The following ASTN1 variants were observed in gnomAD, a reference collection of about 807,000 sequenced individuals.
ASTN1 encodes the protein astrotactin 1, also known as astrotactin-1.
A neutral mutation model predicts 140.7 loss-of-function variants in ASTN1; 41 were observed. That is an observed-to-expected ratio of 0.29 (90% CI 0.23 to 0.38). ASTN1 has a LOEUF of 0.38. Ranked by LOEUF, ASTN1 falls within the 10% of genes least tolerant of loss-of-function variation. The probability of loss-of-function intolerance (pLI) is 1.00; values close to 1 mark genes in which losing one functional copy is unlikely to be tolerated. For synonymous variants in ASTN1, 640 were observed against 652.2 expected (o/e 0.98, Z 0.29); for missense variants, 1,479 against 1,678.8 (o/e 0.88, Z 2.08).
intron 8 of ASTN1, among the ~76,000 whole-genome samples, chr1:177,005,741 C>T (rs989282042): frequency 9.9e-5 from 15 of 151,928 alleles, no homozygotes; most frequent in African/African-American, 3.1e-4. Context: ...TACAGGCGCC[C>T]GCCACCATGG....
rs139750064 is a variant in ASTN1 at position 177,024,659 on chromosome 1, G to A, written c.1194C>T (p.Leu398=). ...GGCAGTTGACGTGAGAGGAGCACAC[G>A]AGGCCAATCACACAGCTGGTGATGC... is the stretch of plus-strand genomic sequence containing the variant. ...LISITSCVIG[L]VCSSHVNCPL... Residue 398 remains leucine (L), a synonymous_variant, in exon 6 of 23, where the codon CTC becomes CTT. Coordinates refer to ENST00000361833, the MANE Select transcript of ASTN1 (RefSeq NM_004319.3). 184 of 1,614,078 alleles carry A rather than the reference G, an allele frequency of 1.1e-4. 1 individual carries two copies. Among genetic ancestry groups the A allele is most frequent in the Non-Finnish European group, 1.5e-4 (176 of 1,179,972 alleles).
intron 2 of ASTN1, among the ~76,000 whole-genome samples, chr1:177,046,183 A>C (rs994531945): frequency 1.3e-5 from 2 of 152,162 alleles, no homozygotes; most frequent in Non-Finnish European, 2.9e-5. Context: ...TGGCACACTG[A>C]AGGCTCAGTG....
Position 176,864,140 on chromosome 1 carries a change from C to G in ASTN1, c.*144G>C. The G allele has an allele frequency of 6.7e-7, 1 of 1,490,876 alleles. No individual in the cohort carries two copies. Among genetic ancestry groups the G allele is most frequent in the South Asian group, 1.4e-5 (1 of 72,768 alleles). 92.4% of individuals were successfully genotyped at this position (1,490,876 alleles called of 1,614,324 possible). A position where few individuals can be genotyped will look rare whatever the true frequency, so the allele number is the denominator to read the frequency against. ...CATACTGAAGAAGTTCTGCAGGGAG[C>G]AAGGATCACTTTCTCCCTGGTTTCG... On this transcript the variant is annotated 3_prime_UTR_variant, in exon 23 of 23. Transcript: ENST00000361833.
intron 2 of ASTN1, among the ~76,000 whole-genome samples, chr1:177,053,958 G>A (rs1036202106): frequency 3.3e-5 from 5 of 152,250 alleles, no homozygotes; most frequent in East Asian, 1.9e-4. Flanking sequence ...TGCTTGTAGC[G>A]TTATTAGTGT....
At chr1:176,940,624 C>T (rs1157455329) in intron 14 of ASTN1, among the ~76,000 whole-genome samples, 1 of 152,172 alleles carries the variant, frequency 6.6e-6, no homozygotes, top group African/African-American at 2.4e-5. Flanking sequence ...CAAGTGATGA[C>T]GGCTATAGCA....
chr1:177,130,554 G>T (rs1681894009), intron 1 of ASTN1, among the ~76,000 whole-genome samples: 1 of 152,132 alleles, frequency 6.6e-6, no homozygotes, highest in Admixed American at 6.5e-5. Flanking sequence ...GTGTCACATT[G>T]CAGGTCACTG....
rs1668048917 is a variant in ASTN1, at chr1:176,864,002, A to G, written c.*282T>C. On this transcript the variant is annotated 3_prime_UTR_variant, in exon 23 of 23. Transcript: ENST00000361833. Reference sequence around the variant, plus strand: ...TGGTAAACTTCTCAGGGAAAAAAAAATGAATGGAACAAATTAATGGCAAAG... The same window carrying G: ...TGGTAAACTTCTCAGGGAAAAAAAAGTGAATGGAACAAATTAATGGCAAAG... The G allele has an allele frequency of 8.4e-7, 1 of 1,184,330 alleles. No homozygotes were observed. Among genetic ancestry groups the G allele is most frequent in the Non-Finnish European group, 1.0e-6 (1 of 952,412 alleles). The allele number at this position is 1,184,330 out of a possible 1,614,324, so 73.4% of individuals were successfully genotyped here. A position where few individuals can be genotyped will look rare whatever the true frequency, so the allele number is the denominator to read the frequency against.
chr1:176,968,713 A>C (rs1256339320), intron 8 of ASTN1, among the ~76,000 whole-genome samples: 1 of 152,228 alleles, frequency 6.6e-6, no homozygotes, highest in Non-Finnish European at 1.5e-5. Flanking sequence ...ATATTTGTGG[A>C]GGCCTATTGT....
intron 1 of ASTN1, among the ~76,000 whole-genome samples, chr1:177,101,151 A>T (rs1212295775): frequency 6.6e-6 from 1 of 152,156 alleles, no homozygotes; most frequent in South Asian, 2.1e-4. Flanking sequence ...TTTGGCAGCA[A>T]CTGTAAAACC....
intron 14 of ASTN1, among the ~76,000 whole-genome samples, chr1:176,942,861 TATATAG>T (rs1671796586): frequency 1.9e-5 from 2 of 104,342 alleles, no homozygotes; most frequent in African/African-American, 3.3e-5. Context: ...TATATATATA[TATATAG>T]ATTGATGTCT....
At position 177,030,802 on chromosome 1, in the gene ASTN1, A is replaced by T. The variant is rs753320857; in HGVS notation, c.1012+4T>A. The T allele has an allele frequency of 1.2e-6, 2 of 1,614,080 alleles. No homozygotes were observed. Among genetic ancestry groups the T allele is most frequent in the Non-Finnish European group, 1.7e-6 (2 of 1,179,948 alleles). ...CCACGAGCCCTAATGTCAGACATGC[A>T]TACCTCTTGCTTTGTTGTTGATCCG... is the stretch of plus-strand genomic sequence containing the variant. On this transcript the variant is annotated splice_donor_region_variant and intron_variant, in intron 4 of 22. Coordinates refer to ENST00000361833, the MANE Select transcript of ASTN1 (RefSeq NM_004319.3).
chr1:176,957,695 C>T lies in ASTN1; in HGVS notation c.1870G>A (p.Asp624Asn). 1 of 1,614,050 alleles carries T rather than the reference C, an allele frequency of 6.2e-7. No homozygotes were observed. The highest frequency in any genetic ancestry group is 1.1e-5 in the South Asian group (1 of 91,066). Residue 624 changes from aspartate (D) to asparagine (N), a missense_variant, in exon 11 of 23, where the codon GAC (aspartate) becomes AAC (asparagine). Coordinates refer to ENST00000361833, the MANE Select transcript of ASTN1 (RefSeq NM_004319.3). ...AGACCTACCACGCAACCAGTGGAGT[C>T]CAGCTTGCGATCTGAAATACAGCGG... is the stretch of plus-strand genomic sequence containing the variant. ...NFRCISDRKL[D>N]STGCVCPSGL...
At chr1:176,937,392 C>T (rs1420528692) in intron 14 of ASTN1, among the ~76,000 whole-genome samples, 1 of 152,144 alleles carries the variant, frequency 6.6e-6, no homozygotes, top group Admixed American at 6.6e-5. Flanking sequence ...CTCCTTCTTA[C>T]TAATGGAAAA....
In ASTN1 at chr1:176,863,061, A is replaced by G. The variant is rs1668018752; in HGVS notation, c.*1223T>C. 2 of 985,618 alleles carry G rather than the reference A, an allele frequency of 2.0e-6. No homozygotes were observed. Among genetic ancestry groups the G allele is most frequent in the Admixed American group, 1.2e-4 (2 of 16,272 alleles). The allele number at this position is 985,618 out of a possible 1,614,324, so 61.1% of individuals were successfully genotyped here. A position where few individuals can be genotyped will look rare whatever the true frequency, so the allele number is the denominator to read the frequency against. ...CTTCCTGTTGGCTGGGCCACCATTC[A>G]TGACCATGCCAATGCTTGGGCAGTG... On this transcript the variant is annotated 3_prime_UTR_variant, in exon 23 of 23. Transcript: ENST00000361833.
intron 1 of ASTN1, among the ~76,000 whole-genome samples, chr1:177,157,315 GTTGT>G (rs1006743153): frequency 4.6e-5 from 7 of 152,002 alleles, no homozygotes; most frequent in African/African-American, 1.7e-4. Flanking sequence ...TGTTGTTGTT[GTTGT>G]TTGTTTTGTT....
At chr1:176,873,393 C>T (rs1201993702) in intron 21 of ASTN1, among the ~76,000 whole-genome samples, 1 of 152,140 alleles carries the variant, frequency 6.6e-6, no homozygotes, top group Non-Finnish European at 1.5e-5. Context: ...AACTTATTTC[C>T]ACAGTGGCTT....
intron 8 of ASTN1, among the ~76,000 whole-genome samples, chr1:176,978,586 G>A (rs1673468275): frequency 6.6e-6 from 1 of 152,172 alleles, no homozygotes; most frequent in African/African-American, 2.4e-5. Context: ...ATTTTGCCAT[G>A]AATAGAAACA....
Position 176,864,113 on chromosome 1 carries a change from A to C in ASTN1, c.*171T>G. ...TTTCCCAATCATGCAGATGGAGAAC[A>C]TCATACTGAAGAAGTTCTGCAGGGA... On this transcript the variant is annotated 3_prime_UTR_variant, in exon 23 of 23. Transcript: ENST00000361833. 1 of 1,453,858 alleles carries C rather than the reference A, an allele frequency of 6.9e-7. No homozygotes were observed. The highest frequency in any genetic ancestry group is 9.0e-7 in the Non-Finnish European group (1 of 1,107,324). The allele number at this position is 1,453,858 out of a possible 1,614,324, so 90.1% of individuals were successfully genotyped here.
At chr1:177,124,641 G>T (rs1681559678) in intron 1 of ASTN1, among the ~76,000 whole-genome samples, 1 of 152,070 alleles carries the variant, frequency 6.6e-6, no homozygotes, top group Non-Finnish European at 1.5e-5. Flanking sequence ...GAGGAACAAA[G>T]AAAAAACACA....
Sources: gnomAD v4.1 joint callset for allele counts (sites outside exome capture counted in the v4.1 genomes callset) on GRCh38, gnomAD v4.1.1 for gene constraint, MANE v1.5 for transcripts, NCBI Gene and HGNC (gene_info 2026-07-23, HGNC 2026-07-21) for gene names.